The following GPHN variants were observed in gnomAD, a reference collection of about 807,000 sequenced individuals.
The protein encoded by GPHN is gephyrin.
Under a neutral mutation model 95.5 loss-of-function variants are expected in GPHN, and 17 were observed. The observed-to-expected ratio is 0.18, with a 90% confidence interval of 0.12 to 0.27. The LOEUF (loss-of-function observed/expected upper bound fraction) is 0.27. Among genes scored for constraint, GPHN ranks in the 10% least tolerant of loss-of-function variants. The probability of loss-of-function intolerance (pLI) is 1.00; values close to 1 mark genes in which losing one functional copy is unlikely to be tolerated. For missense variants in GPHN, 660 were observed against 978.1 expected, an observed-to-expected ratio of 0.67 and a Z score of 4.34; for synonymous variants, 320 against 322.5, an observed-to-expected ratio of 0.99 and a Z score of 0.08.
chr14:67,210,595 G>A, the GPHN span, among the ~76,000 whole-genome samples: 1 of 152,008 alleles, frequency 6.6e-6, no homozygotes, highest in Non-Finnish European at 1.5e-5. Context: ...ATAAATATTT[G>A]TTGTAGCTAT....
the GPHN span, chr14:67,651,174 A>G: frequency 6.8e-6 from 7 of 1,025,430 alleles, no homozygotes; most frequent in Non-Finnish European, 9.7e-6. Context: ...AACAGCATTT[A>G]TTACCTTGGT....
chr14:67,688,532 G>C, the GPHN span, among the ~76,000 whole-genome samples: 2 of 152,058 alleles, frequency 1.3e-5, no homozygotes, highest in Non-Finnish European at 2.9e-5. Context: ...AAGAGCAGGG[G>C]GAAGAGGGGA....
the GPHN span, among the ~76,000 whole-genome samples, chr14:67,444,039 A>G: frequency 7.2e-5 from 11 of 152,170 alleles, no homozygotes; most frequent in African/African-American, 2.7e-4. Context: ...ACTCAAAACA[A>G]TGCAACCATT....
chr14:67,182,248 A>C (rs964050411), downstream of GPHN, among the ~76,000 whole-genome samples: 8 of 152,220 alleles, frequency 5.3e-5, no homozygotes, highest in Non-Finnish European at 1.0e-4. Context: ...GAGAAATGGC[A>C]AAAAATATCT....
At chr14:66,569,781 A>G (rs2060606617) in intron 1 of GPHN, among the ~76,000 whole-genome samples, 1 of 152,148 alleles carries the variant, frequency 6.6e-6, no homozygotes, top group South Asian at 2.1e-4. Flanking sequence ...TGTATGCATT[A>G]CCTCACATAT....
the GPHN span, among the ~76,000 whole-genome samples, chr14:67,219,608 A>G: frequency 6.6e-6 from 1 of 152,302 alleles, no homozygotes; most frequent in African/African-American, 2.4e-5. Flanking sequence ...TAGGATGAAA[A>G]AGGCTCAGCA....
the GPHN span, among the ~76,000 whole-genome samples, chr14:67,298,908 T>C: frequency 6.6e-6 from 1 of 152,226 alleles, no homozygotes; most frequent in Non-Finnish European, 1.5e-5. Context: ...GGACATTTCA[T>C]ATAAATGTAA....
intron 1 of GPHN, among the ~76,000 whole-genome samples, chr14:66,586,314 A>T (rs531352757): frequency 5.3e-5 from 8 of 152,172 alleles, no homozygotes; most frequent in African/African-American, 1.9e-4. Flanking sequence ...TGAATACAGC[A>T]CACTGATGGG....
the GPHN span, among the ~76,000 whole-genome samples, chr14:67,445,574 A>ATTT: frequency 1.2e-4 from 12 of 98,656 alleles, no homozygotes; most frequent in African/African-American, 4.6e-4. Flanking sequence ...AAGAGAGGCA[A>ATTT]TTCTTTTTTT....
At chr14:67,614,495 T>A in the GPHN span, among the ~76,000 whole-genome samples, 1 of 152,086 alleles carries the variant, frequency 6.6e-6, no homozygotes, top group Non-Finnish European at 1.5e-5. Context: ...CTGGGTATGG[T>A]GGCTCATGCC....
At chr14:66,715,114 T>C (rs2070042168) in intron 2 of GPHN, among the ~76,000 whole-genome samples, 1 of 152,164 alleles carries the variant, frequency 6.6e-6, no homozygotes, top group African/African-American at 2.4e-5. Context: ...TCCTGGACTT[T>C]TTTCTGTTGT....
intron 1 of GPHN, among the ~76,000 whole-genome samples, chr14:66,534,097 A>G (rs901003253): frequency 6.6e-6 from 1 of 152,202 alleles, no homozygotes; most frequent in African/African-American, 2.4e-5. Flanking sequence ...GTATACATCC[A>G]TATGAATTGC....
the GPHN span, among the ~76,000 whole-genome samples, chr14:67,251,781 T>C: frequency 6.6e-6 from 1 of 152,178 alleles, no homozygotes; most frequent in Non-Finnish European, 1.5e-5. Context: ...GATAAGAGCA[T>C]CTTTTGTTTC....
chr14:66,940,225 A>G (rs2067342407), intron 8 of GPHN, among the ~76,000 whole-genome samples: 1 of 105,524 alleles, frequency 9.5e-6, no homozygotes, highest in East Asian at 2.7e-4. Flanking sequence ...CAGGGAAGGA[A>G]AAAGGAAAAA....
At chr14:66,968,531 C>T (rs945788454) in intron 9 of GPHN, among the ~76,000 whole-genome samples, 8 of 152,086 alleles carry the variant, frequency 5.3e-5, no homozygotes, top group Admixed American at 2.6e-4. Context: ...TATGTGCAAA[C>T]GTATTTTGTC....
chr14:66,550,709 C>T (rs188810842), intron 1 of GPHN, among the ~76,000 whole-genome samples: 1 of 152,260 alleles, frequency 6.6e-6, no homozygotes, highest in African/African-American at 2.4e-5. Context: ...AAGAAATTGC[C>T]ACAGCCACCC....
chr14:67,325,012 C>G, the GPHN span, among the ~76,000 whole-genome samples: 1 of 146,646 alleles, frequency 6.8e-6, no homozygotes, highest in East Asian at 2.1e-4. Context: ...TCACGCCATT[C>G]TCCTGCCTCA....
intron 1 of GPHN, among the ~76,000 whole-genome samples, chr14:66,588,877 A>G (rs902868450): frequency 6.6e-6 from 1 of 152,158 alleles, no homozygotes; most frequent in Non-Finnish European, 1.5e-5. Flanking sequence ...CAGGGAATAC[A>G]GAGAACACCA....
chr14:66,704,207 C>T (rs1399070158), intron 2 of GPHN, among the ~76,000 whole-genome samples: 1 of 152,026 alleles, frequency 6.6e-6, no homozygotes, highest in African/African-American at 2.4e-5. Flanking sequence ...TAGACTCGCA[C>T]ACAATAATAG....
Sources: allele counts gnomAD v4.1 joint callset (sites outside exome capture counted in the v4.1 genomes callset), GRCh38; gene constraint gnomAD v4.1.1; transcripts MANE v1.5; gene names NCBI Gene and HGNC (gene_info 2026-07-23, HGNC 2026-07-21).